The following TMC5 variants were observed in gnomAD, a reference collection of about 807,000 sequenced individuals.
TMC5 encodes transmembrane channel-like protein 5.
In TMC5, 86 loss-of-function variants were observed where a neutral mutation model predicts 110.5. The observed-to-expected ratio is 0.78, with a 90% CI of 0.65 to 0.93. The LOEUF (loss-of-function observed/expected upper bound fraction) is 0.93, where lower values mean the gene tolerates loss of function less well. Ranked by LOEUF, TMC5 falls within the 40% of genes least tolerant of loss-of-function variation. The pLI, the probability that TMC5 is intolerant of heterozygous loss-of-function variation, is 0.00. For missense variants in TMC5, 1,144 were observed against 1,222.8 expected (o/e 0.94, Z 0.96); for synonymous variants, 455 against 439.5 (o/e 1.04, Z -0.44).
At chr16:19,497,237 T>C (rs1418636087) in intron 21 of TMC5, 74 bp downstream of exon 21, 2 of 1,477,142 alleles carry the variant, frequency 1.4e-6, no homozygotes, top group East Asian at 2.3e-5. Context: ...AGTGTAAGAA[T>C]TGCTCATGTG....
rs190712865 is a variant in TMC5, at chr16:19,421,818, G to T, written c.-308+3726G>T. Among the ~76,000 whole-genome samples, 331 of 152,352 alleles carry T rather than the reference G, an allele frequency of 2.2e-3. 2 individuals are homozygous for T. The highest frequency in any genetic ancestry group is 7.7e-3 in the African/African-American group (321 of 41,594). On this transcript the variant is annotated intron_variant, in intron 1 of 21. Transcript: ENST00000542583. ...AAGAAAATTTGAGCCAGGTGTGGTT[G>T]GCATACACCTATAGTCACAGCTACT...
chr16:19,435,443 A>T (rs1380901208), intron 2 of TMC5, among the ~76,000 whole-genome samples: 1 of 152,040 alleles, frequency 6.6e-6, no homozygotes, highest in Non-Finnish European at 1.5e-5. Context: ...CAGAGGTTGC[A>T]GTGAGCCAAG....
chr16:19,441,797 T>C (rs992874185), intron 3 of TMC5, among the ~76,000 whole-genome samples: 15 of 152,184 alleles, frequency 9.9e-5, no homozygotes, highest in Admixed American at 2.6e-4. Flanking sequence ...TTTATTTATT[T>C]ATTCATTCAT....
At chr16:19,426,872 A>G (rs1567297391) in intron 1 of TMC5, among the ~76,000 whole-genome samples, 1 of 152,194 alleles carries the variant, frequency 6.6e-6, no homozygotes, top group Non-Finnish European at 1.5e-5. Context: ...TTGGCGCATA[A>G]AGGAATCACT....
At chr16:19,436,321 C>T (rs1312064944) in intron 2 of TMC5, among the ~76,000 whole-genome samples, 1 of 135,532 alleles carries the variant, frequency 7.4e-6, no homozygotes. Context: ...TTTCCGTGAA[C>T]ATTTTTCTTA....
At chr16:19,445,084 G>A (rs982090162) in intron 4 of TMC5, among the ~76,000 whole-genome samples, 2 of 152,066 alleles carry the variant, frequency 1.3e-5, no homozygotes, top group African/African-American at 4.8e-5. Flanking sequence ...AGCCAAGATC[G>A]CACCACTGTA....
Position 19,479,527 on chromosome 16 carries a change from A to T in TMC5, c.2266A>T (p.Arg756Ter). The T allele has an allele frequency of 6.2e-7, 1 of 1,609,026 alleles. No individual in the cohort carries two copies. Among genetic ancestry groups the T allele is most frequent in the Non-Finnish European group, 8.5e-7 (1 of 1,175,574 alleles). The change falls in exon 14 of 22, where the codon AGA becomes TGA. Residue 756 changes from arginine (R) to a stop codon, truncating the protein, a stop_gained and splice_region_variant. Transcript: ENST00000542583. LOFTEE classifies it high-confidence loss of function. ...TTCCTTCCTGGGGGAGTTTCTGAGG[A>T]GGTAAATATTTGCCATTCTTAAGTA... ...VNSFLGEFLR[R>*]IIGMQLITSL...
At chr16:19,489,048 C>T (rs905721140) in intron 17 of TMC5, among the ~76,000 whole-genome samples, 1 of 147,042 alleles carries the variant, frequency 6.8e-6, no homozygotes, top group Non-Finnish European at 1.5e-5. Flanking sequence ...CTTCCTTGCT[C>T]CACAACGCCC....
chr16:19,453,765 C>T (rs1967802800), intron 5 of TMC5, among the ~76,000 whole-genome samples: 1 of 151,882 alleles, frequency 6.6e-6, no homozygotes, highest in Non-Finnish European at 1.5e-5. Context: ...GAGACCTTGC[C>T]TAAAAAAGGA....
rs563539713 is a variant in TMC5, at chr16:19,418,073, T to G, written c.-327T>G. ...GTGGAGGGGAAGTTTGTCTGGATTT[T>G]CCTGTAGAACTGAGGGCAGGTAAGT... On this transcript the variant is annotated 5_prime_UTR_variant, in exon 1 of 22. Transcript: ENST00000542583. The G allele has an allele frequency of 1.3e-5, 2 of 152,238 alleles. No homozygotes were observed. Among genetic ancestry groups the G allele is most frequent in the South Asian group, 4.1e-4 (2 of 4,826 alleles). The allele number at this position is 152,238 out of a possible 1,614,324, so 9.4% of individuals were successfully genotyped here.
chr16:19,485,113 T>C (rs1420430864), intron 15 of TMC5, among the ~76,000 whole-genome samples: 4 of 70,022 alleles, frequency 5.7e-5, no homozygotes, highest in African/African-American at 2.1e-4. Flanking sequence ...ATTATTTGCC[T>C]TTTTTTTTTT....
At chr16:19,469,893 C>G in intron 10 of TMC5, 68 bp downstream of exon 10, 1 of 1,499,810 alleles carries the variant, frequency 6.7e-7, no homozygotes, top group South Asian at 1.2e-5. Flanking sequence ...ATACCTGTAA[C>G]TTTTCTTTTT....
chr16:19,438,455 A>C (rs1967406718), intron 2 of TMC5, among the ~76,000 whole-genome samples: 1 of 150,992 alleles, frequency 6.6e-6, no homozygotes. Context: ...GAAAGAAAGA[A>C]AGAAAACTCA....
rs2143578141 is a variant in TMC5 at position 19,462,391 on chromosome 16, C to A, written c.1149-889C>A. On this transcript the variant is annotated intron_variant, in intron 6 of 21. Transcript: ENST00000542583. ...TTGCCAATTGTGTGGGGGCAAAATC[C>A]CCCTAGGTTGAGAATGTGTATTAGT... is the stretch of plus-strand genomic sequence containing the variant. 5 of 592,874 alleles carry A rather than the reference C, an allele frequency of 8.4e-6. No homozygotes were observed. The East Asian group carries it at 1.5e-4, about 18-fold the overall frequency. 36.7% of individuals were successfully genotyped at this position (592,874 alleles called of 1,614,324 possible).
rs115400281 is a variant in TMC5, at chr16:19,445,264, T to G, written c.958+1014T>G. On this transcript the variant is annotated intron_variant, in intron 4 of 21. Coordinates refer to ENST00000542583, the MANE Select transcript of TMC5 (RefSeq NM_001261841.2). The stretch of plus-strand genomic sequence containing the variant: ...GAGGCAAAGGAAATTCTAAACAGTT[T>G]TTTTTTTTTTTAAGACAGTGTCCTG... Among the ~76,000 whole-genome samples the G allele has an allele frequency of 4.7e-3, 711 of 151,830 alleles. 3 individuals carry two copies. The highest frequency in any genetic ancestry group is 0.016 in the African/African-American group (680 of 41,348).
In TMC5 at chr16:19,440,317, A is replaced by G. The variant is rs369347118; in HGVS notation, c.279A>G (p.Ala93=). The change falls in exon 3 of 22, where the codon GCA becomes GCG. Residue 93 remains alanine (A), a synonymous_variant. Coordinates refer to ENST00000542583, the MANE Select transcript of TMC5 (RefSeq NM_001261841.2). ...GCACCAGAAGCAATGCATACTCTGC[A>G]GCCTCTAGAACAAGCCCAGACCATC... ...YSGTRSNAYS[A]ASRTSPDHPT... 1.2e-6 allele frequency: 2 copies of G among 1,614,070 alleles called. No individual in the cohort carries two copies. Among genetic ancestry groups the G allele is most frequent in the Non-Finnish European group, 1.7e-6 (2 of 1,180,036 alleles).
chr16:19,440,124 A>G lies in TMC5; in HGVS notation c.86A>G (p.Tyr29Cys). ...YSGSQNRTQGYLKTQGYPDVP... is the reference protein window; with the variant it reads ...YSGSQNRTQGCLKTQGYPDVP... ...GGGTCTCAGAACCGTACGCAGGGGT[A>G]TTTGAAAACTCAAGGTTATCCAGAT... The change falls in exon 3 of 22, where the codon TAT becomes TGT. Residue 29 changes from tyrosine to cysteine, a missense_variant. Physicochemically the swap from Tyr to Cys is radical, Grantham distance 194. Transcript: ENST00000542583. 6.2e-7 allele frequency: 1 copy of G among 1,614,158 alleles called. No individual in the cohort carries two copies. Among genetic ancestry groups the G allele is most frequent in the Non-Finnish European group, 8.5e-7 (1 of 1,180,024 alleles).
intron 4 of TMC5, among the ~76,000 whole-genome samples, chr16:19,444,828 G>C (rs1478007449): frequency 6.6e-6 from 1 of 152,154 alleles, no homozygotes; most frequent in African/African-American, 2.4e-5. Context: ...CAACAAAAGT[G>C]CCACATCAAG....
At chr16:19,481,840 A>G (rs1968626599) in intron 15 of TMC5, among the ~76,000 whole-genome samples, 1 of 151,956 alleles carries the variant, frequency 6.6e-6, no homozygotes, top group Non-Finnish European at 1.5e-5. Context: ...GGTCTTTGGG[A>G]GGTGATTTGA....
Sources: allele counts gnomAD v4.1 joint callset (sites outside exome capture counted in the v4.1 genomes callset), GRCh38; gene constraint gnomAD v4.1.1; transcripts MANE v1.5; gene names NCBI Gene and HGNC (gene_info 2026-07-23, HGNC 2026-07-21).